OR14I1: variants seen among roughly 807,000 people sequenced by gnomAD.
OR14I1 encodes olfactory receptor family 14 subfamily I member 1, also known as olfactory receptor 14I1.
For missense variants in OR14I1, 279 were observed against 181.8 expected (o/e 1.53, Z -3.07); for synonymous variants, 118 against 71.1 (o/e 1.66, Z -3.32).
At chr1:248,687,625 C>T in the OR14I1 span, among the ~76,000 whole-genome samples, 2 of 152,190 alleles carry the variant, frequency 1.3e-5, no homozygotes, top group South Asian at 4.1e-4. Context: ...TTAAACTTAG[C>T]AGACTTTATT....
the OR14I1 span, among the ~76,000 whole-genome samples, chr1:248,695,415 A>G: frequency 6.6e-6 from 1 of 151,750 alleles, no homozygotes; most frequent in South Asian, 2.1e-4. Flanking sequence ...TTGTGTTTTT[A>G]GTAGAGACGG....
chr1:248,678,205 G>A (rs914015110), downstream of OR14I1, among the ~76,000 whole-genome samples: 2 of 152,114 alleles, frequency 1.3e-5, no homozygotes, highest in Non-Finnish European at 2.9e-5. Context: ...GGACAATAAG[G>A]CAGGAACATA....
chr1:248,697,477 TAAAAAA>T, the OR14I1 span, among the ~76,000 whole-genome samples: 1 of 127,688 alleles, frequency 7.8e-6, no homozygotes, highest in African/African-American at 2.8e-5. Context: ...TGGTTAGGTT[TAAAAAA>T]AAAAAAAAAA....
the OR14I1 span, chr1:248,691,916 C>T: frequency 4.1e-5 from 2 of 48,352 alleles, no homozygotes; most frequent in African/African-American, 9.3e-5. Flanking sequence ...CTCGGGCCTA[C>T]AAGTCTCTAG....
At chr1:248,679,457 A>G (rs1404587734), downstream of OR14I1, among the ~76,000 whole-genome samples, 1 of 151,900 alleles carries the variant, frequency 6.6e-6, no homozygotes, top group East Asian at 1.9e-4. Flanking sequence ...GCTATATGCT[A>G]TATTATACTA....
the OR14I1 span, among the ~76,000 whole-genome samples, chr1:248,687,419 T>C: frequency 2.0e-5 from 3 of 152,226 alleles, no homozygotes; most frequent in Non-Finnish European, 4.4e-5. Context: ...ACAATCATCA[T>C]GCTTCTCATC....
chr1:248,693,087 G>T, the OR14I1 span, among the ~76,000 whole-genome samples: 1 of 152,122 alleles, frequency 6.6e-6, no homozygotes. Context: ...AGATGTTCTG[G>T]GTCTGCTTAT....
chr1:248,688,485 T>C, the OR14I1 span, among the ~76,000 whole-genome samples: 111,854 of 152,180 alleles, frequency 0.74, 44,385 homozygotes, highest in Non-Finnish European at 0.88. Context: ...TCAGTGGTTT[T>C]CCAACCCACC....
chr1:248,678,617 G>A (rs938202214), downstream of OR14I1, among the ~76,000 whole-genome samples: 6 of 152,158 alleles, frequency 3.9e-5, no homozygotes, highest in African/African-American at 1.4e-4. Flanking sequence ...ATTAATTATA[G>A]TTGTTGTATG....
At chr1:248,689,811 T>C in the OR14I1 span, among the ~76,000 whole-genome samples, 1 of 152,180 alleles carries the variant, frequency 6.6e-6, no homozygotes, top group Admixed American at 6.5e-5. Flanking sequence ...ATTCTAAAGT[T>C]GACCACATAA....
the OR14I1 span, among the ~76,000 whole-genome samples, chr1:248,698,125 A>G: frequency 2.6e-5 from 4 of 152,164 alleles, no homozygotes; most frequent in South Asian, 6.2e-4. Flanking sequence ...ACCTTCCTGA[A>G]GTTCATCTAA....
At chr1:248,687,221 C>T (rs1419542021), upstream of OR14I1, among the ~76,000 whole-genome samples, 1 of 152,172 alleles carries the variant, frequency 6.6e-6, no homozygotes, top group Non-Finnish European at 1.5e-5. Context: ...ATAAAATAAT[C>T]TTCGATAAAG....
At chr1:248,689,971 A>G in the OR14I1 span, among the ~76,000 whole-genome samples, 2 of 152,258 alleles carry the variant, frequency 1.3e-5, no homozygotes, top group African/African-American at 4.8e-5. Context: ...CTGCTCCTGA[A>G]TGACTACTAG....
upstream of OR14I1, among the ~76,000 whole-genome samples, chr1:248,685,561 T>G (rs565895738): frequency 3.3e-5 from 5 of 152,246 alleles, no homozygotes; most frequent in South Asian, 1.0e-3. Flanking sequence ...CCTTGTAATG[T>G]ATTATCTAGA....
At chr1:248,699,828 G>A in the OR14I1 span, among the ~76,000 whole-genome samples, 25 of 152,126 alleles carry the variant, frequency 1.6e-4, no homozygotes, top group African/African-American at 3.1e-4. Context: ...GCGCAATCTC[G>A]GCTCACTGCA....
chr1:248,701,292 C>T, the OR14I1 span, among the ~76,000 whole-genome samples: 2 of 152,142 alleles, frequency 1.3e-5, no homozygotes, highest in Admixed American at 1.3e-4. Context: ...GCTGGGATTA[C>T]AGGTGCCTGC....
chr1:248,700,357 A>G, the OR14I1 span, among the ~76,000 whole-genome samples: 1 of 152,242 alleles, frequency 6.6e-6, no homozygotes, highest in African/African-American at 2.4e-5. Context: ...TGTTTACATG[A>G]TATCAAATGT....
chr1:248,679,430 C>T (rs532517496), downstream of OR14I1, among the ~76,000 whole-genome samples: 10 of 151,468 alleles, frequency 6.6e-5, no homozygotes, highest in East Asian at 1.7e-3. Flanking sequence ...ATGTTTAGTA[C>T]TAATATATGT....
At chr1:248,683,994 T>C (rs1661603751), upstream of OR14I1, among the ~76,000 whole-genome samples, 1 of 151,954 alleles carries the variant, frequency 6.6e-6, no homozygotes, top group Non-Finnish European at 1.5e-5. Context: ...ATCGTGCCAC[T>C]GCACTCCAGC....
Sources: gnomAD v4.1 joint callset for allele counts (sites outside exome capture counted in the v4.1 genomes callset) on GRCh38, gnomAD v4.1.1 for gene constraint, MANE v1.5 for transcripts, NCBI Gene and HGNC (gene_info 2026-07-23, HGNC 2026-07-21) for gene names.